Variants in ZRANB3 observed in about 807,000 individuals in gnomAD.
The protein encoded by ZRANB3 is DNA annealing helicase and endonuclease ZRANB3.
ZRANB3 carries 125 observed loss-of-function variants against 133.8 expected under a neutral mutation model. That is an observed-to-expected ratio of 0.93 (90% confidence interval 0.81 to 1.08). The LOEUF (loss-of-function observed/expected upper bound fraction) is 1.08. Among genes scored for constraint, ZRANB3 ranks in the 50% least tolerant of loss-of-function variants. The pLI, the probability that ZRANB3 is intolerant of heterozygous loss-of-function variation, is 0.00. For synonymous variants in ZRANB3, 387 were observed against 432.7 expected (o/e 0.89, Z 1.31); for missense variants, 1,229 against 1,275.5 (o/e 0.96, Z 0.56).
At chr2:135,297,744 T>C (rs928589779) in intron 8 of ZRANB3, among the ~76,000 whole-genome samples, 2 of 152,218 alleles carry the variant, frequency 1.3e-5, no homozygotes, top group East Asian at 1.9e-4. Context: ...CTTTGTCAGA[T>C]TGCATTAATT....
At chr2:135,254,444 C>G (rs1007149440) in intron 12 of ZRANB3, among the ~76,000 whole-genome samples, 2 of 147,214 alleles carry the variant, frequency 1.4e-5, no homozygotes, top group Non-Finnish European at 3.0e-5. Context: ...AGCATATAGT[C>G]TTTTAAAAAA....
chr2:135,499,399 A>C (rs907520140), intron 2 of ZRANB3, among the ~76,000 whole-genome samples: 7 of 152,310 alleles, frequency 4.6e-5, no homozygotes, highest in African/African-American at 1.7e-4. Context: ...TAAGACAAGG[A>C]AAAGGCAAAA....
Position 135,378,286 on chromosome 2 carries a change from A to G in ZRANB3, c.180+12516T>C, listed in dbSNP as rs1016760003. ...AGCAGGCGGATCACTTGAGGTCAGG[A>G]GTTCAAGACCAGACTGACCAACATG... On this transcript the variant is annotated intron_variant, in intron 3 of 20. Transcript: ENST00000264159. Among the ~76,000 whole-genome samples, 18 of 152,308 alleles carry G rather than the reference A, an allele frequency of 1.2e-4. No individual in the cohort carries two copies. In the East Asian group the frequency reaches 3.1e-3, roughly 26 times the overall value.
rs141637652 is a variant in ZRANB3 at position 135,297,891 on chromosome 2, A to G, written c.966+15598T>C. Among the ~76,000 whole-genome samples, 219 of 152,144 alleles carry G rather than the reference A, an allele frequency of 1.4e-3. 1 individual carries two copies. The highest frequency in any genetic ancestry group is 1.6e-3 in the Non-Finnish European group (111 of 67,996). On this transcript the variant is annotated intron_variant, in intron 8 of 20. Transcript: ENST00000264159. ...GTTATGATTGTCTTTTCTTTACGAT[A>G]TCTATTTCTCTGGAGACTTTTTTGT... is the stretch of plus-strand genomic sequence containing the variant.
At chr2:135,506,649 G>A (rs538874961) in intron 1 of ZRANB3, among the ~76,000 whole-genome samples, 2 of 152,284 alleles carry the variant, frequency 1.3e-5, no homozygotes, top group South Asian at 4.1e-4. Context: ...CATGTGTCTG[G>A]TAGCTATGAT....
intron 2 of ZRANB3, among the ~76,000 whole-genome samples, chr2:135,499,460 T>C (rs1004982311): frequency 6.6e-6 from 1 of 152,096 alleles, no homozygotes; most frequent in Non-Finnish European, 1.5e-5. Context: ...AAAAGACTCA[T>C]ATCCAGAGTA....
At position 135,350,192 on chromosome 2, in the gene ZRANB3, G is replaced by C. The variant is rs1315520313; in HGVS notation, c.383C>G (p.Thr128Arg). The change falls in exon 5 of 21, where the codon ACA (threonine) becomes AGA (arginine). Residue 128 changes from threonine (T) to arginine (R), a missense_variant. Physicochemically the swap from Thr to Arg is moderately conservative, Grantham distance 71. Transcript: ENST00000264159. ...GGTTAAGAGACCATAACCCAGAACT[G>C]TCACTTTACTGGTCGACATTCTCCT... ...DVRRMSTSKVTVLGYGLLTAD... is the reference protein window; with the variant it reads ...DVRRMSTSKVRVLGYGLLTAD... 1 of 1,600,368 alleles carries C rather than the reference G, an allele frequency of 6.2e-7. No individual in the cohort carries two copies. The highest frequency in any genetic ancestry group is 1.3e-5 in the African/African-American group (1 of 74,818).
At chr2:135,260,961 G>GAT (rs990161846) in intron 12 of ZRANB3, among the ~76,000 whole-genome samples, 9 of 144,806 alleles carry the variant, frequency 6.2e-5, no homozygotes, top group African/African-American at 1.0e-4. Context: ...ATATACACTT[G>GAT]ATATATATAT....
At chr2:135,524,270 C>T (rs1423274720) in intron 1 of ZRANB3, among the ~76,000 whole-genome samples, 2 of 151,940 alleles carry the variant, frequency 1.3e-5, no homozygotes, top group Admixed American at 6.6e-5. Flanking sequence ...TTAGTAGAGA[C>T]GGGGTTTCAC....
In ZRANB3 at chr2:135,495,982, C is replaced by G. The variant is rs931200926; in HGVS notation, c.161+8347G>C. The stretch of plus-strand genomic sequence containing the variant: ...AATAGTAAGCCTACCTAAAAATGAA[C>G]TTGAGGTTTGAATTTGTATTACCTG... On this transcript the variant is annotated intron_variant, in intron 2 of 20. Coordinates refer to ENST00000264159, the MANE Select transcript of ZRANB3 (RefSeq NM_032143.4). Among the ~76,000 whole-genome samples the G allele has an allele frequency of 3.9e-5, 6 of 152,094 alleles. No individual in the cohort carries two copies. In the East Asian group the frequency reaches 9.6e-4, roughly 24 times the overall value.
At chr2:135,401,762 C>T (rs1479547573) in intron 2 of ZRANB3, among the ~76,000 whole-genome samples, 1 of 152,150 alleles carries the variant, frequency 6.6e-6, no homozygotes, top group African/African-American at 2.4e-5. Flanking sequence ...AAAGGTGTGG[C>T]TCTAAACTCC....
rs370041882 is a variant in ZRANB3, at chr2:135,405,779, A to G, written c.162-14959T>C. Reference sequence around the variant, plus strand: ...GATGTTCTTTGAAACCAACGACAACAAAGACACAACACACCAGAATCTCTG... The same window carrying G: ...GATGTTCTTTGAAACCAACGACAACGAAGACACAACACACCAGAATCTCTG... On this transcript the variant is annotated intron_variant, in intron 2 of 20. Coordinates refer to ENST00000264159, the MANE Select transcript of ZRANB3 (RefSeq NM_032143.4). Among the ~76,000 whole-genome samples the G allele has an allele frequency of 1.8e-4, 28 of 152,080 alleles. No homozygotes were observed. In the East Asian group the frequency reaches 2.1e-3, roughly 12 times the overall value.
At chr2:135,220,923 C>G (rs1558838593) in intron 15 of ZRANB3, among the ~76,000 whole-genome samples, 2 of 146,632 alleles carry the variant, frequency 1.4e-5, no homozygotes, top group African/African-American at 5.2e-5. Flanking sequence ...GTGGCACGAT[C>G]TTGGCTCACT....
chr2:135,476,087 A>G (rs2104786230), intron 2 of ZRANB3, among the ~76,000 whole-genome samples: 1 of 152,318 alleles, frequency 6.6e-6, no homozygotes, highest in African/African-American at 2.4e-5. Flanking sequence ...CAAAAGAAAA[A>G]AAAGAAAAAA....
chr2:135,329,808 T>G (rs1684043393), intron 6 of ZRANB3, among the ~76,000 whole-genome samples: 1 of 152,186 alleles, frequency 6.6e-6, no homozygotes. Flanking sequence ...TGTATTCTCT[T>G]TGTAACAATT....
In ZRANB3 at chr2:135,261,575, A is replaced by G. The variant is rs138448417; in HGVS notation, c.1539+3959T>C. 1.2e-4 allele frequency among the ~76,000 whole-genome samples: 19 copies of G among 152,366 alleles called. No homozygotes were observed. The East Asian group carries it at 3.7e-3, about 29-fold the overall frequency. ...GACAACACTAAACTATGAAAGACAC[A>G]TACCTAACTCAAGAAAGTAAAATTT... On this transcript the variant is annotated intron_variant, in intron 12 of 20. Coordinates refer to ENST00000264159, the MANE Select transcript of ZRANB3 (RefSeq NM_032143.4).
chr2:135,505,027 A>T (rs1693111434), intron 1 of ZRANB3, among the ~76,000 whole-genome samples: 1 of 152,048 alleles, frequency 6.6e-6, no homozygotes, highest in South Asian at 2.1e-4. Context: ...TTGTTTAAAT[A>T]TTAAAATTAA....
chr2:135,262,149 A>G (rs1173156331), intron 12 of ZRANB3, among the ~76,000 whole-genome samples: 7 of 123,440 alleles, frequency 5.7e-5, no homozygotes, highest in African/African-American at 9.4e-5. Flanking sequence ...ACAGAGTGAG[A>G]CTCCATCTCC....
intron 12 of ZRANB3, among the ~76,000 whole-genome samples, chr2:135,254,025 C>T (rs1031784605): frequency 9.2e-5 from 14 of 152,212 alleles, no homozygotes; most frequent in African/African-American, 3.1e-4. Flanking sequence ...GAGTTCCTCT[C>T]CAACTGGTTA....
Sources: allele counts gnomAD v4.1 joint callset (sites outside exome capture counted in the v4.1 genomes callset), GRCh38; gene constraint gnomAD v4.1.1; transcripts MANE v1.5; gene names NCBI Gene and HGNC (gene_info 2026-07-23, HGNC 2026-07-21).